The following NTM variants were observed in gnomAD, a reference collection of about 807,000 sequenced individuals.
NTM encodes IgLON family member 2.
Under a neutral mutation model 42.1 loss-of-function variants are expected in NTM, and 13 were observed. That is an observed-to-expected ratio of 0.31 (90% CI 0.20 to 0.49). NTM has a LOEUF of 0.49. Among genes scored for constraint, NTM ranks in the 20% least tolerant of loss-of-function variants. The probability of loss-of-function intolerance (pLI) is 0.99; values close to 1 mark genes in which losing one functional copy is unlikely to be tolerated. For missense variants in NTM, 373 were observed against 452.8 expected (o/e 0.82, Z 1.60); for synonymous variants, 187 against 179.2 (o/e 1.04, Z -0.35).
At chr11:132,281,937 C>T (rs188737580) in intron 4 of NTM, among the ~76,000 whole-genome samples, 1 of 152,230 alleles carries the variant, frequency 6.6e-6, no homozygotes, top group Non-Finnish European at 1.5e-5. Context: ...ATTTCTGCTT[C>T]CAAACTTTCA....
At chr11:131,686,733 T>C (rs947917897) in intron 1 of NTM, among the ~76,000 whole-genome samples, 1 of 152,182 alleles carries the variant, frequency 6.6e-6, no homozygotes, top group African/African-American at 2.4e-5. Context: ...CAGTCCCACC[T>C]GAATACGGCC....
intron 2 of NTM, among the ~76,000 whole-genome samples, chr11:132,056,304 T>C (rs1793630): frequency 0.66 from 101,017 of 152,038 alleles, 34,600 homozygotes; most frequent in African/African-American, 0.81. Flanking sequence ...AAGACTACAT[T>C]CTGAGTTCCT....
chr11:132,325,999 A>G (rs1247505304), intron 7 of NTM, among the ~76,000 whole-genome samples: 87 of 141,072 alleles, frequency 6.2e-4, no homozygotes, highest in Admixed American at 1.2e-3. Context: ...GGGGAACATC[A>G]CACACTGGGG....
At chr11:131,463,707 C>G (rs1313153770) in intron 1 of NTM, among the ~76,000 whole-genome samples, 1 of 152,166 alleles carries the variant, frequency 6.6e-6, no homozygotes, top group Non-Finnish European at 1.5e-5. Flanking sequence ...CCTGCAAATA[C>G]TCTGCTTCCT....
At position 131,966,124 on chromosome 11, in the gene NTM, TA is replaced by T. The variant is rs555515078; in HGVS notation, c.167+54483del. 4.6e-5 allele frequency among the ~76,000 whole-genome samples: 7 copies of T among 152,184 alleles called. No individual in the cohort carries two copies. In the South Asian group the frequency reaches 6.2e-4, roughly 14 times the overall value. ...CAATATAGAGTTTGCATTTGTGTGA[TA>T]AAAAAATGACAAAAATTCACTCTAG... On this transcript the variant is annotated intron_variant, in intron 2 of 8. Coordinates refer to ENST00000683400, the MANE Select transcript of NTM (RefSeq NM_001352005.2).
intron 1 of NTM, among the ~76,000 whole-genome samples, chr11:131,554,236 T>A (rs538635516): frequency 2.0e-5 from 3 of 152,356 alleles, no homozygotes; most frequent in South Asian, 2.1e-4. Flanking sequence ...CCATAGTTCC[T>A]AGGACAATGC....
At chr11:132,011,790 T>C (rs2072257450) in intron 2 of NTM, among the ~76,000 whole-genome samples, 1 of 152,190 alleles carries the variant, frequency 6.6e-6, no homozygotes, top group Non-Finnish European at 1.5e-5. Flanking sequence ...GGTTTCTACA[T>C]GTGCTCTACA....
chr11:132,159,643 G>A (rs765325964), intron 3 of NTM, among the ~76,000 whole-genome samples: 10 of 152,110 alleles, frequency 6.6e-5, no homozygotes, highest in East Asian at 1.9e-4. Flanking sequence ...TACCAAAACC[G>A]GAGTTATCAC....
intron 2 of NTM, among the ~76,000 whole-genome samples, chr11:132,000,643 C>T (rs375909881): frequency 1.3e-5 from 2 of 152,166 alleles, no homozygotes; most frequent in East Asian, 3.9e-4. Context: ...TAAAAGTCTG[C>T]TTTGATCGTT....
Position 131,726,512 on chromosome 11 carries a change from C to T in NTM, c.83-185052C>T, listed in dbSNP as rs1591444944. ...GGAAGTGACAGGCTTTTACTGAAGGCTTGTTGGTTCTGGAGAGTGATCGCA... is the reference window on the plus strand; with the variant it reads ...GGAAGTGACAGGCTTTTACTGAAGGTTTGTTGGTTCTGGAGAGTGATCGCA... On this transcript the variant is annotated intron_variant, in intron 1 of 8. Transcript: ENST00000683400. 2.6e-5 allele frequency among the ~76,000 whole-genome samples: 4 copies of T among 151,190 alleles called. 1 individual carries two copies. Among genetic ancestry groups the T allele is most frequent in the Middle Eastern group, 3.4e-3 (1 of 294 alleles).
intron 1 of NTM, among the ~76,000 whole-genome samples, chr11:131,875,549 TAAAAAG>T (rs138002435): frequency 0.015 from 2,218 of 152,180 alleles, 57 homozygotes; most frequent in African/African-American, 0.05. Context: ...AATAGAAAGT[TAAAAAG>T]AAAAAAGAAA....
intron 1 of NTM, among the ~76,000 whole-genome samples, chr11:131,754,079 C>T (rs1432653002): frequency 8.4e-5 from 11 of 130,326 alleles, no homozygotes; most frequent in Non-Finnish European, 1.4e-4. Context: ...GGGAATTGAA[C>T]AATGAGAACA....
chr11:131,754,879 C>G (rs1348117257), intron 1 of NTM, among the ~76,000 whole-genome samples: 2 of 152,092 alleles, frequency 1.3e-5, no homozygotes, highest in Non-Finnish European at 2.9e-5. Context: ...TTGATACAAG[C>G]AACAATGTAG....
intron 3 of NTM, among the ~76,000 whole-genome samples, chr11:132,154,425 C>A (rs1252532904): frequency 2.0e-5 from 3 of 152,174 alleles, no homozygotes; most frequent in Non-Finnish European, 4.4e-5. Context: ...GAAAGATTGC[C>A]AAAGACTTTT....
At chr11:131,642,898 CAA>C (rs2065303504) in intron 1 of NTM, among the ~76,000 whole-genome samples, 1 of 152,122 alleles carries the variant, frequency 6.6e-6, no homozygotes, top group Non-Finnish European at 1.5e-5. Context: ...TCTCTGTACC[CAA>C]AACGTGAAGC....
chr11:132,032,213 C>T (rs2076019042), intron 2 of NTM, among the ~76,000 whole-genome samples: 1 of 152,196 alleles, frequency 6.6e-6, no homozygotes, highest in Non-Finnish European at 1.5e-5. Context: ...ACTTTGGCTT[C>T]TGCAACTCTG....
chr11:131,889,709 G>A lies in NTM; in HGVS notation c.83-21855G>A, dbSNP rs565471560. Among the ~76,000 whole-genome samples, 6 of 152,198 alleles carry A rather than the reference G, an allele frequency of 3.9e-5. No homozygotes were observed. In the East Asian group the frequency reaches 1.2e-3, roughly 29 times the overall value. On this transcript the variant is annotated intron_variant, in intron 1 of 8. Coordinates refer to ENST00000683400, the MANE Select transcript of NTM (RefSeq NM_001352005.2). ...CAAATAGAGAGAAAGGAGAGAATACGAACAACAGAGTGGGAAGTGCAAAGA... is the reference window on the plus strand; with the variant it reads ...CAAATAGAGAGAAAGGAGAGAATACAAACAACAGAGTGGGAAGTGCAAAGA...
At chr11:131,670,705 C>T (rs1020008473) in intron 1 of NTM, among the ~76,000 whole-genome samples, 2 of 152,168 alleles carry the variant, frequency 1.3e-5, no homozygotes, top group African/African-American at 4.8e-5. Context: ...CTCCCTGCCT[C>T]ACTTGCTCCT....
intron 2 of NTM, among the ~76,000 whole-genome samples, chr11:131,969,149 G>A (rs2063215762): frequency 6.6e-6 from 1 of 152,196 alleles, no homozygotes; most frequent in South Asian, 2.1e-4. Context: ...GTCATTACAG[G>A]AATAATCAGA....
Sources: gnomAD v4.1 joint callset for allele counts (sites outside exome capture counted in the v4.1 genomes callset) on GRCh38, gnomAD v4.1.1 for gene constraint, MANE v1.5 for transcripts, NCBI Gene and HGNC (gene_info 2026-07-23, HGNC 2026-07-21) for gene names.